The following USP12 variants were observed in gnomAD, a reference collection of about 807,000 sequenced individuals.
The protein encoded by USP12 is ubiquitin specific peptidase 12.
In USP12, 19 loss-of-function variants were observed where a neutral mutation model predicts 45.5. The observed-to-expected ratio is 0.42, with a 90% confidence interval of 0.29 to 0.61. The LOEUF (loss-of-function observed/expected upper bound fraction) is 0.61. USP12 is among the 20% of genes least tolerant of loss of function. The pLI, the probability that USP12 is intolerant of heterozygous loss-of-function variation, is 0.22. For synonymous variants in USP12, 149 were observed against 148.8 expected (o/e 1.00, Z -0.01); for missense variants, 242 against 447.7 (o/e 0.54, Z 4.15).
chr13:27,113,537 G>A (rs1007859872), intron 2 of USP12, among the ~76,000 whole-genome samples: 1 of 152,114 alleles, frequency 6.6e-6, no homozygotes, highest in Non-Finnish European at 1.5e-5. Context: ...CAGACATTGA[G>A]TACCTCACCC....
Position 27,067,263 on chromosome 13 carries a change from C to T in USP12, c.*2020G>A, listed in dbSNP as rs1460948543. The T allele has an allele frequency of 6.6e-6, 1 of 152,134 alleles. No individual in the cohort carries two copies. The highest frequency in any genetic ancestry group is 1.5e-5 in the Non-Finnish European group (1 of 68,016). The allele number at this position is 152,134 out of a possible 1,614,324, so 9.4% of individuals were successfully genotyped here. A position where few individuals can be genotyped will look rare whatever the true frequency, so the allele number is the denominator to read the frequency against. On this transcript the variant is annotated 3_prime_UTR_variant, in exon 9 of 9. Transcript: ENST00000282344. ...GTTAAAACTGACACAGCTTCACTTT[C>T]CTCTTTTTCTCTGTACCGAAAGCTG...
At chr13:27,106,866 G>T (rs1875166634) in intron 2 of USP12, among the ~76,000 whole-genome samples, 1 of 151,616 alleles carries the variant, frequency 6.6e-6, no homozygotes, top group South Asian at 2.1e-4. Flanking sequence ...AAATAAAAAA[G>T]AAATGTCTAA....
At chr13:27,099,167 A>C (rs995586053) in intron 3 of USP12, among the ~76,000 whole-genome samples, 3 of 152,230 alleles carry the variant, frequency 2.0e-5, no homozygotes, top group Admixed American at 1.3e-4. Context: ...AAGGTATTTC[A>C]AAGGAAGACG....
intron 6 of USP12, among the ~76,000 whole-genome samples, chr13:27,085,998 T>C (rs905209791): frequency 2.6e-5 from 4 of 151,548 alleles, no homozygotes. Flanking sequence ...AGAGCCCGTC[T>C]ATAAAAAATA....
intron 1 of USP12, among the ~76,000 whole-genome samples, chr13:27,146,227 C>CTAAAAAT (rs1877301069): frequency 6.6e-6 from 1 of 152,070 alleles, no homozygotes; most frequent in Non-Finnish European, 1.5e-5. Flanking sequence ...CATGGTGAAA[C>CTAAAAAT]CCTGTGTCTA....
chr13:27,078,824 G>C (rs1413097505), intron 6 of USP12, among the ~76,000 whole-genome samples: 2 of 152,002 alleles, frequency 1.3e-5, no homozygotes, highest in Non-Finnish European at 2.9e-5. Flanking sequence ...AGTAAGGATA[G>C]GAAAATATGA....
chr13:27,096,802 C>T (rs1874602736), intron 3 of USP12, among the ~76,000 whole-genome samples: 1 of 152,044 alleles, frequency 6.6e-6, no homozygotes, highest in Non-Finnish European at 1.5e-5. Flanking sequence ...CTATTTAGGA[C>T]ATTTTATTTT....
chr13:27,164,650 A>G (rs190233922), intron 1 of USP12, among the ~76,000 whole-genome samples: 2 of 152,376 alleles, frequency 1.3e-5, no homozygotes, highest in East Asian at 3.9e-4. Flanking sequence ...AATTCTGCAC[A>G]TAAGATAGCA....
At chr13:27,106,977 A>G (rs1407967824) in intron 2 of USP12, among the ~76,000 whole-genome samples, 1 of 152,228 alleles carries the variant, frequency 6.6e-6, no homozygotes, top group Admixed American at 6.5e-5. Context: ...TGTTTACCAT[A>G]CATGCCTAAT....
At chr13:27,105,663 G>A in intron 3 of USP12, 68 bp downstream of exon 3, 2 of 1,437,956 alleles carry the variant, frequency 1.4e-6, no homozygotes, top group Non-Finnish European at 1.9e-6. Context: ...CTCAGTAAGT[G>A]CTGGAATTAT....
chr13:27,075,431 C>G, intron 6 of USP12, 43 bp from the exon 7 acceptor site: 1 of 1,515,554 alleles, frequency 6.6e-7, no homozygotes, highest in Non-Finnish European at 9.0e-7. Flanking sequence ...TAAAAGATAT[C>G]CACCATGTCC....
intron 1 of USP12, among the ~76,000 whole-genome samples, chr13:27,133,302 C>T (rs1420099516): frequency 6.6e-6 from 1 of 152,210 alleles, no homozygotes; most frequent in Admixed American, 6.5e-5. Flanking sequence ...CATGCTTAGA[C>T]TGATCTCAGG....
chr13:27,106,767 G>A (rs939366584), intron 2 of USP12, among the ~76,000 whole-genome samples: 9 of 151,764 alleles, frequency 5.9e-5, no homozygotes, highest in Middle Eastern at 3.4e-3. Flanking sequence ...TAGGAGAAGA[G>A]GAAAAATAAT....
At chr13:27,160,371 A>G (rs776055553) in intron 1 of USP12, among the ~76,000 whole-genome samples, 1 of 152,164 alleles carries the variant, frequency 6.6e-6, no homozygotes, top group Non-Finnish European at 1.5e-5. Context: ...GTCACATGAC[A>G]ATGGCAGGTC....
chr13:27,168,308 T>C (rs893694788), intron 1 of USP12, among the ~76,000 whole-genome samples: 2 of 152,136 alleles, frequency 1.3e-5, no homozygotes, highest in African/African-American at 4.8e-5. Flanking sequence ...CCATGACTCC[T>C]ACAACCCAAA....
intron 6 of USP12, among the ~76,000 whole-genome samples, chr13:27,084,225 T>C (rs1030248446): frequency 6.8e-6 from 1 of 147,684 alleles, no homozygotes; most frequent in East Asian, 2.0e-4. Context: ...CACAAATTCC[T>C]GTCTGGGTGT....
rs1876397543 is a variant in USP12 at position 27,129,562 on chromosome 13, G to A, written c.49-12966C>T. ...AACATAGCAAGACTCTGTCTCTACAGAGGATGTTGTGGAGCACGCCTGTAG... is the reference window on the plus strand; with the variant it reads ...AACATAGCAAGACTCTGTCTCTACAAAGGATGTTGTGGAGCACGCCTGTAG... On this transcript the variant is annotated intron_variant, in intron 1 of 8. Coordinates refer to ENST00000282344, the MANE Select transcript of USP12 (RefSeq NM_182488.4). The surrounding 1 kb of genome is among the most constrained non-coding windows in gnomAD (Gnocchi z 4.0). Among the ~76,000 whole-genome samples the A allele has an allele frequency of 6.6e-6, 1 of 152,150 alleles. No individual in the cohort carries two copies. The highest frequency in any genetic ancestry group is 2.4e-5 in the African/African-American group (1 of 41,418).
At chr13:27,097,968 G>A (rs796706918) in intron 3 of USP12, among the ~76,000 whole-genome samples, 2 of 146,848 alleles carry the variant, frequency 1.4e-5, no homozygotes, top group African/African-American at 5.0e-5. Flanking sequence ...TAGCCTGGAG[G>A]TAACTTTATA....
intron 2 of USP12, among the ~76,000 whole-genome samples, chr13:27,114,186 TTAA>T (rs1246869853): frequency 2.0e-5 from 3 of 151,956 alleles, no homozygotes; most frequent in African/African-American, 7.2e-5. Context: ...TATTAGAAAA[TTAA>T]TAAAGAACCA....
Sources: allele counts gnomAD v4.1 joint callset (sites outside exome capture counted in the v4.1 genomes callset), GRCh38; gene constraint gnomAD v4.1.1; non-coding constraint Gnocchi (gnomAD v3.1); transcripts MANE v1.5; gene names NCBI Gene and HGNC (gene_info 2026-07-23, HGNC 2026-07-21).